Variants in NELL1 observed in about 807,000 individuals in gnomAD.
NELL1 encodes protein kinase C-binding protein NELL1.
A neutral mutation model predicts 107.4 loss-of-function variants in NELL1; 76 were observed. The observed-to-expected ratio is 0.71, with a 90% CI of 0.59 to 0.86. The LOEUF (loss-of-function observed/expected upper bound fraction) is 0.86, where lower values mean the gene tolerates loss of function less well. NELL1 is among the 40% of genes least tolerant of loss of function. The pLI is 0.00. For synonymous variants in NELL1, 353 were observed against 341.2 expected (o/e 1.03, Z -0.38); for missense variants, 1,024 against 1,005.5 (o/e 1.02, Z -0.25).
intron 2 of NELL1, among the ~76,000 whole-genome samples, chr11:20,747,148 T>A (rs1856023067): frequency 6.6e-6 from 1 of 152,188 alleles, no homozygotes; most frequent in African/African-American, 2.4e-5. Context: ...AGGAAGGCAA[T>A]TGAATTATTT....
At chr11:21,234,944 G>A (rs1259219883) in intron 14 of NELL1, among the ~76,000 whole-genome samples, 1 of 152,188 alleles carries the variant, frequency 6.6e-6, no homozygotes, top group Admixed American at 6.5e-5. Context: ...AGAAAGGTAA[G>A]TTATTATAGT....
chr11:21,441,909 G>C (rs1426145747), intron 15 of NELL1, among the ~76,000 whole-genome samples: 1 of 152,046 alleles, frequency 6.6e-6, no homozygotes, highest in Non-Finnish European at 1.5e-5. Context: ...ATTTACCCAA[G>C]AAATATTGAT....
intron 13 of NELL1, among the ~76,000 whole-genome samples, chr11:21,144,172 G>C (rs185004324): frequency 6.6e-6 from 1 of 152,300 alleles, no homozygotes; most frequent in African/African-American, 2.4e-5. Flanking sequence ...CTGTGTAAGG[G>C]AAACAGCAAG....
At chr11:21,090,438 A>G (rs1459181988) in intron 12 of NELL1, among the ~76,000 whole-genome samples, 1 of 152,146 alleles carries the variant, frequency 6.6e-6, no homozygotes, top group Non-Finnish European at 1.5e-5. Context: ...TTTTGGCTCT[A>G]TTAAAAAAAG....
chr11:20,696,605 A>G (rs1854623954), intron 2 of NELL1, among the ~76,000 whole-genome samples: 1 of 152,124 alleles, frequency 6.6e-6, no homozygotes, highest in Admixed American at 6.6e-5. Flanking sequence ...TTTTTAACCT[A>G]TTATAGGTTG....
intron 12 of NELL1, among the ~76,000 whole-genome samples, chr11:21,108,574 TG>T (rs1565064289): frequency 1.3e-5 from 2 of 152,148 alleles, no homozygotes; most frequent in Non-Finnish European, 2.9e-5. Flanking sequence ...TATGCTGCAA[TG>T]GGGTTTATAG....
At chr11:20,801,768 T>C (rs1857285397) in intron 3 of NELL1, among the ~76,000 whole-genome samples, 4 of 152,198 alleles carry the variant, frequency 2.6e-5, no homozygotes. Context: ...TGGCAAGAGA[T>C]AGGGGTCTAG....
chr11:21,173,886 A>G (rs1380223077), intron 13 of NELL1, among the ~76,000 whole-genome samples: 1 of 151,728 alleles, frequency 6.6e-6, no homozygotes, highest in Non-Finnish European at 1.5e-5. Context: ...TTCTTAGATT[A>G]GATGATACCT....
Position 20,752,109 on chromosome 11 carries a change from T to C in NELL1, c.185-31571T>C, listed in dbSNP as rs556668129. 1.2e-4 allele frequency among the ~76,000 whole-genome samples: 18 copies of C among 152,296 alleles called. No homozygotes were observed. The South Asian group carries it at 2.7e-3, about 23-fold the overall frequency. On this transcript the variant is annotated intron_variant, in intron 2 of 19. Transcript: ENST00000357134. The stretch of plus-strand genomic sequence containing the variant: ...TCAGTACTTACAGTACAGTGGTAAA[T>C]AGAAATGATGCTGAATATTTTTATT...
intron 15 of NELL1, among the ~76,000 whole-genome samples, chr11:21,496,196 A>C (rs1219877007): frequency 6.6e-6 from 1 of 151,836 alleles, no homozygotes; most frequent in Non-Finnish European, 1.5e-5. Flanking sequence ...TTTTTGAAAA[A>C]CTATACATTT....
intron 13 of NELL1, among the ~76,000 whole-genome samples, chr11:21,168,161 A>G (rs66759615): frequency 0.1 from 15,161 of 151,808 alleles, 915 homozygotes; most frequent in Non-Finnish European, 0.11. Context: ...ATGGTCTCCT[A>G]AAGCCATAAA....
intron 12 of NELL1, among the ~76,000 whole-genome samples, chr11:20,975,408 G>A (rs1293349279): frequency 6.6e-6 from 1 of 151,182 alleles, no homozygotes; most frequent in African/African-American, 2.4e-5. Flanking sequence ...CACTGAGAAG[G>A]CCATTGAAAT....
chr11:21,160,803 T>C (rs907868735), intron 13 of NELL1, among the ~76,000 whole-genome samples: 3 of 152,184 alleles, frequency 2.0e-5, no homozygotes, highest in African/African-American at 7.2e-5. Flanking sequence ...GTTACCTAAT[T>C]CACATTCTGT....
At position 20,993,580 on chromosome 11, in the gene NELL1, C is replaced by T. The variant is rs188077158; in HGVS notation, c.1300+33020C>T. Among the ~76,000 whole-genome samples, 9 of 152,184 alleles carry T rather than the reference C, an allele frequency of 5.9e-5. No individual in the cohort carries two copies. In the East Asian group the frequency reaches 1.7e-3, roughly 29 times the overall value. On this transcript the variant is annotated intron_variant, in intron 12 of 19. Transcript: ENST00000357134. The stretch of plus-strand genomic sequence containing the variant: ...GGTTTCAGGACCCCCTCAAGGACAC[C>T]AAAGTCCACGGATGTTCAAGTCTTG...
At position 21,514,238 on chromosome 11, in the gene NELL1, T is replaced by C. The variant is rs1277013060; in HGVS notation, c.1646-20136T>C. Among the ~76,000 whole-genome samples, 5 of 152,228 alleles carry C rather than the reference T, an allele frequency of 3.3e-5. No individual in the cohort carries two copies. The East Asian group carries it at 9.6e-4, about 29-fold the overall frequency. On this transcript the variant is annotated intron_variant, in intron 15 of 19. Coordinates refer to ENST00000357134, the MANE Select transcript of NELL1 (RefSeq NM_006157.5). ...ATTAACAAATAACAATTTAACATTGTCAATTTAAATTGATTTAAAATATTT... is the reference window on the plus strand; with the variant it reads ...ATTAACAAATAACAATTTAACATTGCCAATTTAAATTGATTTAAAATATTT...
chr11:21,341,781 A>G (rs2040322), intron 14 of NELL1, among the ~76,000 whole-genome samples: 74,381 of 152,048 alleles, frequency 0.49, 18,597 homozygotes, highest in African/African-American at 0.61. Flanking sequence ...AAGAGCAAGA[A>G]AACTTCACTT....
At chr11:21,457,362 G>GGAGAT in intron 15 of NELL1, among the ~76,000 whole-genome samples, 1 of 152,132 alleles carries the variant, frequency 6.6e-6, no homozygotes, top group South Asian at 2.1e-4. Flanking sequence ...AGAGTGTTGT[G>GGAGAT]GAGATAAGAG....
At chr11:21,249,826 A>G (rs1381539816) in intron 14 of NELL1, among the ~76,000 whole-genome samples, 2 of 152,184 alleles carry the variant, frequency 1.3e-5, no homozygotes, top group African/African-American at 4.8e-5. Context: ...TTAAAAGGTA[A>G]CTGTCAGTTA....
At chr11:20,682,521 C>A (rs11025693) in intron 2 of NELL1, among the ~76,000 whole-genome samples, 6,619 of 151,568 alleles carry the variant, frequency 0.044, 511 homozygotes, top group African/African-American at 0.15. Flanking sequence ...AAGTTAAAAA[C>A]GTAGATTCAT....
Sources: allele counts gnomAD v4.1 joint callset (sites outside exome capture counted in the v4.1 genomes callset), GRCh38; gene constraint gnomAD v4.1.1; transcripts MANE v1.5; gene names NCBI Gene and HGNC (gene_info 2026-07-23, HGNC 2026-07-21).